The following ZDHHC14 variants were observed in gnomAD, a reference collection of about 807,000 sequenced individuals.
ZDHHC14 encodes the protein zDHHC palmitoyltransferase 14, also known as palmitoyltransferase ZDHHC14.
A neutral mutation model predicts 47.7 loss-of-function variants in ZDHHC14; 16 were observed. The ratio of observed to expected loss-of-function variants is 0.34; its 90% CI spans 0.23 to 0.51. The LOEUF is 0.51. ZDHHC14 is among the 20% of genes least tolerant of loss of function. The probability of loss-of-function intolerance (pLI) is 0.97; values close to 1 mark genes in which losing one functional copy is unlikely to be tolerated. For synonymous variants in ZDHHC14, 293 were observed against 278.9 expected (o/e 1.05, Z -0.50); for missense variants, 515 against 662.5 (o/e 0.78, Z 2.44).
At chr6:157,406,861 C>G (rs1410700910) in intron 1 of ZDHHC14, among the ~76,000 whole-genome samples, 1 of 152,178 alleles carries the variant, frequency 6.6e-6, no homozygotes, top group Non-Finnish European at 1.5e-5. Flanking sequence ...CCTCACTGAG[C>G]TAATTGCCTG....
At chr6:157,451,255 T>A (rs906114339) in intron 1 of ZDHHC14, among the ~76,000 whole-genome samples, 15 of 152,198 alleles carry the variant, frequency 9.9e-5, no homozygotes, top group Non-Finnish European at 1.5e-4. Flanking sequence ...TAATAACAAT[T>A]TTGAGGTATT....
At chr6:157,563,690 C>T (rs1000796582) in intron 2 of ZDHHC14, among the ~76,000 whole-genome samples, 7 of 152,296 alleles carry the variant, frequency 4.6e-5, no homozygotes, top group African/African-American at 1.2e-4. Flanking sequence ...GGACTAAGTG[C>T]GAACTAGGAC....
chr6:157,538,708 A>G (rs1490562555), intron 1 of ZDHHC14, among the ~76,000 whole-genome samples: 2 of 152,150 alleles, frequency 1.3e-5, no homozygotes, highest in South Asian at 4.1e-4. Context: ...TCAGAGAAAG[A>G]AGCGATCCCT....
chr6:157,501,485 A>C (rs1344363477), intron 1 of ZDHHC14, among the ~76,000 whole-genome samples: 3 of 152,254 alleles, frequency 2.0e-5, no homozygotes, highest in Non-Finnish European at 4.4e-5. Flanking sequence ...GATTGCATTT[A>C]CGGCCTGTGA....
Position 157,598,399 on chromosome 6 carries a change from T to C in ZDHHC14, c.565+5253T>C, listed in dbSNP as rs1006502524. ...CTTTACTGATTCTCCTGGTTTCCGC[T>C]ATCTCTTCATTTCACCAACATTGAA... On this transcript the variant is annotated intron_variant, in intron 3 of 8. Transcript: ENST00000359775. Among the ~76,000 whole-genome samples, 3 of 152,310 alleles carry C rather than the reference T, an allele frequency of 2.0e-5. No homozygotes were observed. In the South Asian group the frequency reaches 6.2e-4, roughly 32 times the overall value.
intron 1 of ZDHHC14, 36 bp downstream of exon 1, chr6:157,382,302 C>G (rs1212848847): frequency 1.2e-6 from 2 of 1,605,918 alleles, no homozygotes; most frequent in Non-Finnish European, 1.7e-6. Context: ...ACGCCGCACT[C>G]CCCTGGTCTC....
chr6:157,626,893 G>GC (rs1359193562), intron 3 of ZDHHC14, among the ~76,000 whole-genome samples: 1 of 149,718 alleles, frequency 6.7e-6, no homozygotes, highest in Non-Finnish European at 1.5e-5. Context: ...TTCCAGCTGG[G>GC]GGGGGGGCGG....
intron 3 of ZDHHC14, among the ~76,000 whole-genome samples, chr6:157,594,820 G>A (rs547220109): frequency 6.6e-6 from 1 of 152,200 alleles, no homozygotes; most frequent in East Asian, 1.9e-4. Context: ...CCTATCTTGG[G>A]GACAATTTAA....
chr6:157,616,498 G>T (rs1432989730), intron 3 of ZDHHC14, among the ~76,000 whole-genome samples: 1 of 152,250 alleles, frequency 6.6e-6, no homozygotes, highest in Non-Finnish European at 1.5e-5. Flanking sequence ...CCCAAGGCTG[G>T]AGCTGGACAC....
chr6:157,493,536 C>G (rs776801843), intron 1 of ZDHHC14, among the ~76,000 whole-genome samples: 12 of 152,212 alleles, frequency 7.9e-5, no homozygotes, highest in South Asian at 2.1e-4. Flanking sequence ...CCTGGGAAAC[C>G]ATTCAACAAT....
At chr6:157,596,316 G>A (rs999654021) in intron 3 of ZDHHC14, among the ~76,000 whole-genome samples, 7 of 152,146 alleles carry the variant, frequency 4.6e-5, no homozygotes, top group Non-Finnish European at 8.8e-5. Context: ...TGCAGCAAGA[G>A]AAGTAGCACA....
At chr6:157,600,805 C>T (rs1366734157) in intron 3 of ZDHHC14, among the ~76,000 whole-genome samples, 2 of 152,092 alleles carry the variant, frequency 1.3e-5, no homozygotes, top group South Asian at 4.1e-4. Flanking sequence ...CTCACACCCC[C>T]CGGGTTGCTC....
chr6:157,500,579 T>C (rs2114737737), intron 1 of ZDHHC14, among the ~76,000 whole-genome samples: 1 of 152,230 alleles, frequency 6.6e-6, no homozygotes, highest in South Asian at 2.1e-4. Flanking sequence ...ATTAGGAGCA[T>C]TTTGACAGTG....
chr6:157,658,552 G>T (rs902386956), intron 8 of ZDHHC14, among the ~76,000 whole-genome samples: 25 of 152,142 alleles, frequency 1.6e-4, no homozygotes, highest in Middle Eastern at 3.4e-3. Context: ...AGGATTGGGG[G>T]TGTGCTGTGG....
rs1779137086 is a variant in ZDHHC14, at chr6:157,463,264, A to G, written c.246-79321A>G. Reference sequence around the variant, plus strand: ...CTTCGGTGTTTGGAACATGGCATAGAACAATTGAAATTGGTTTTTCAATAG... The same window carrying G: ...CTTCGGTGTTTGGAACATGGCATAGGACAATTGAAATTGGTTTTTCAATAG... On this transcript the variant is annotated intron_variant, in intron 1 of 8. Transcript: ENST00000359775. This position sits in a 1 kb window ranked among gnomAD's most constrained non-coding sequence, Gnocchi z 4.4. 1.3e-5 allele frequency among the ~76,000 whole-genome samples: 2 copies of G among 152,238 alleles called. No individual in the cohort carries two copies. The highest frequency in any genetic ancestry group is 2.4e-5 in the African/African-American group (1 of 41,464).
At chr6:157,511,705 A>G (rs1780496944) in intron 1 of ZDHHC14, among the ~76,000 whole-genome samples, 1 of 152,054 alleles carries the variant, frequency 6.6e-6, no homozygotes, top group South Asian at 2.1e-4. Flanking sequence ...ACATTTTTAT[A>G]TAATAGTACA....
intron 5 of ZDHHC14, among the ~76,000 whole-genome samples, chr6:157,639,957 G>A (rs1287684633): frequency 2.0e-5 from 3 of 152,224 alleles, no homozygotes; most frequent in Non-Finnish European, 4.4e-5. Context: ...TAATGTGGAA[G>A]GAGGGAAAAA....
chr6:157,493,397 T>G (rs1779977497), intron 1 of ZDHHC14, among the ~76,000 whole-genome samples: 2 of 152,346 alleles, frequency 1.3e-5, no homozygotes, highest in South Asian at 4.1e-4. Context: ...TCAGCCCTGT[T>G]GGTGAGGGCT....
chr6:157,573,336 T>C (rs140257098), intron 2 of ZDHHC14, among the ~76,000 whole-genome samples: 5,926 of 152,218 alleles, frequency 0.039, 149 homozygotes, highest in Non-Finnish European at 0.056. Flanking sequence ...TTCCATCTCA[T>C]TCCATGGGAC....
Sources: gnomAD v4.1 joint callset for allele counts (sites outside exome capture counted in the v4.1 genomes callset) on GRCh38, gnomAD v4.1.1 for gene constraint, Gnocchi (gnomAD v3.1) non-coding constraint, MANE v1.5 for transcripts, NCBI Gene and HGNC (gene_info 2026-07-23, HGNC 2026-07-21) for gene names.